The following PLEKHG4B variants were observed in gnomAD, a reference collection of about 807,000 sequenced individuals.
The protein encoded by PLEKHG4B is pleckstrin homology and RhoGEF domain containing G4B.
Under a neutral mutation model 121.3 loss-of-function variants are expected in PLEKHG4B, and 111 were observed. The observed-to-expected ratio is 0.92, with a 90% CI of 0.78 to 1.07. The LOEUF (loss-of-function observed/expected upper bound fraction) is 1.07, where lower values mean the gene tolerates loss of function less well. PLEKHG4B is among the 50% of genes least tolerant of loss of function. The probability of loss-of-function intolerance (pLI) is 0.00; values close to 1 mark genes in which losing one functional copy is unlikely to be tolerated. For missense variants in PLEKHG4B, 1,831 were observed against 1,757.8 expected, an observed-to-expected ratio of 1.04 and a Z score of -0.74; for synonymous variants, 738 against 725.0, an observed-to-expected ratio of 1.02 and a Z score of -0.29.
intron 1 of PLEKHG4B, among the ~76,000 whole-genome samples, chr5:103,662 A>G (rs1484001581): frequency 6.6e-6 from 1 of 152,230 alleles, no homozygotes; most frequent in African/African-American, 2.4e-5. Flanking sequence ...AAGTGCTGTG[A>G]TCAGATCAGG....
chr5:169,673 C>G, intron 14 of PLEKHG4B, 81 bp downstream of exon 14: 1 of 1,557,652 alleles, frequency 6.4e-7, no homozygotes, highest in Non-Finnish European at 8.6e-7. Flanking sequence ...ACAGGGCCCA[C>G]GTGTCAGGCG....
rs773674170 is a variant in PLEKHG4B at position 144,942 on chromosome 5, C to T, written c.1905+22C>T. ...GCAGGTACGGCAAGGTTGTCATATC[C>T]CTTGGGTGTGCAGAGCATCGTAGGG... is the stretch of plus-strand genomic sequence containing the variant. On this transcript the variant is annotated intron_variant, in intron 6 of 19. Coordinates refer to ENST00000637938, the MANE Select transcript of PLEKHG4B (RefSeq NM_052909.5). The T allele has an allele frequency of 4.3e-5, 69 of 1,606,604 alleles. No individual in the cohort carries two copies. In the South Asian group the frequency reaches 7.2e-4, roughly 17 times the overall value.
intron 13 of PLEKHG4B, among the ~76,000 whole-genome samples, chr5:168,758 AAGTT>A (rs1163069607): frequency 6.6e-6 from 1 of 152,144 alleles, no homozygotes; most frequent in Non-Finnish European, 1.5e-5. Flanking sequence ...TTATCTTTTC[AAGTT>A]ACTGTGTATC....
In PLEKHG4B at chr5:98,551, C is replaced by T. The variant is rs369775903; in HGVS notation, c.45+6275C>T. On this transcript the variant is annotated intron_variant, in intron 1 of 19. Transcript: ENST00000637938. ...CCAGGTTCAAGCGATTCTCCTGGCT[C>T]AGCCTCCCAAGTAGCTGGGACTACA... Among the ~76,000 whole-genome samples, 23 of 146,198 alleles carry T rather than the reference C, an allele frequency of 1.6e-4. No homozygotes were observed. The East Asian group carries it at 4.8e-3, about 31-fold the overall frequency.
intron 1 of PLEKHG4B, among the ~76,000 whole-genome samples, chr5:101,695 A>T (rs372026979): frequency 5.4e-3 from 511 of 94,772 alleles, no homozygotes; most frequent in Non-Finnish European, 6.6e-3. Flanking sequence ...GTTGTGAGGT[A>T]AATCCATATA....
Position 157,246 on chromosome 5 carries a change from A to T in PLEKHG4B, c.2487+335A>T. The T allele has an allele frequency of 2.9e-6, 1 of 350,478 alleles. No homozygotes were observed. The highest frequency in any genetic ancestry group is 5.5e-6 in the Non-Finnish European group (1 of 181,122). 21.7% of individuals were successfully genotyped at this position (350,478 alleles called of 1,614,324 possible). On this transcript the variant is annotated intron_variant, in intron 11 of 19. Transcript: ENST00000637938. The surrounding 1 kb of genome is among the most constrained non-coding windows in gnomAD (Gnocchi z 4.6). ...GCTTTCTCCATGTGCATGCGTACAC[A>T]GTGACTGAGAAGCCGAGGTGAAACC...
chr5:135,682 A>AAATAT (rs1553985215), intron 2 of PLEKHG4B, among the ~76,000 whole-genome samples: 18 of 19,594 alleles, frequency 9.2e-4, no homozygotes, highest in East Asian at 1.9e-3. Flanking sequence ...AAAAAAAAAA[A>AAATAT]ATATATATAT....
At position 178,802 on chromosome 5, in the gene PLEKHG4B, C is replaced by T. The variant is rs139869142; in HGVS notation, c.4403-2712C>T. Among the ~76,000 whole-genome samples, 79 of 152,296 alleles carry T rather than the reference C, an allele frequency of 5.2e-4. No individual in the cohort carries two copies. In the East Asian group the frequency reaches 6.2e-3, roughly 12 times the overall value. On this transcript the variant is annotated intron_variant, in intron 18 of 19. Coordinates refer to ENST00000637938, the MANE Select transcript of PLEKHG4B (RefSeq NM_052909.5). ...GGGGATGCGGTCCAGGACTCCCCCA[C>T]GGATACCCAAATCTGCAGTTGTTCA...
In PLEKHG4B at chr5:155,462, A is replaced by T. The variant is rs1735744481; in HGVS notation, c.2208+19A>T. ...AGCCCAGGTGAGTCCTCAGACTTGCAGGTAAGTTCATTTCATGTGACAGGT... is the reference window on the plus strand; with the variant it reads ...AGCCCAGGTGAGTCCTCAGACTTGCTGGTAAGTTCATTTCATGTGACAGGT... On this transcript the variant is annotated intron_variant, in intron 9 of 19. Coordinates refer to ENST00000637938, the MANE Select transcript of PLEKHG4B (RefSeq NM_052909.5). 6.3e-7 allele frequency: 1 copy of T among 1,592,798 alleles called. No individual in the cohort carries two copies.
chr5:126,908 T>C (rs915198013), intron 2 of PLEKHG4B, among the ~76,000 whole-genome samples: 1 of 152,148 alleles, frequency 6.6e-6, no homozygotes, highest in Non-Finnish European at 1.5e-5. Flanking sequence ...GAGGAGGTGG[T>C]ATTCCATTTA....
At chr5:143,569 G>A in intron 5 of PLEKHG4B, 66 bp downstream of exon 5, 2 of 1,584,496 alleles carry the variant, frequency 1.3e-6, no homozygotes, top group East Asian at 4.5e-5. Flanking sequence ...GTGTGGCAAA[G>A]TGGGGGGCAC....
chr5:109,685 A>C (rs180858045), intron 1 of PLEKHG4B, among the ~76,000 whole-genome samples: 29 of 152,350 alleles, frequency 1.9e-4, no homozygotes, highest in Admixed American at 1.8e-3. Flanking sequence ...AAAATTTTAA[A>C]GTTAATTGGG....
chr5:155,060 A>G, intron 8 of PLEKHG4B, 69 bp downstream of exon 8: 2 of 1,363,150 alleles, frequency 1.5e-6, no homozygotes, highest in Admixed American at 3.4e-5. Flanking sequence ...GGTTGTTTTT[A>G]CTAGAATTTG....
At chr5:161,625 C>A (rs1736003841) in intron 11 of PLEKHG4B, among the ~76,000 whole-genome samples, 158 bp from the exon 12 acceptor site, 1 of 152,102 alleles carries the variant, frequency 6.6e-6, no homozygotes, top group South Asian at 2.1e-4. Context: ...ATGCCTCGGT[C>A]CTTTGGTGCC....
chr5:149,495 C>G (rs1006929102), intron 6 of PLEKHG4B, among the ~76,000 whole-genome samples: 3 of 152,264 alleles, frequency 2.0e-5, no homozygotes, highest in Middle Eastern at 3.4e-3. Context: ...GAGCCATGGT[C>G]ATGCCACTGC....
intron 14 of PLEKHG4B, among the ~76,000 whole-genome samples, 171 bp downstream of exon 14, chr5:169,763 G>A (rs933276940): frequency 1.3e-5 from 2 of 152,238 alleles, no homozygotes; most frequent in Non-Finnish European, 2.9e-5. Flanking sequence ...TGCCCCACAC[G>A]GATAACCTGT....
chr5:162,492 C>T (rs1184628055), intron 12 of PLEKHG4B, among the ~76,000 whole-genome samples: 1 of 152,256 alleles, frequency 6.6e-6, no homozygotes, highest in East Asian at 1.9e-4. Flanking sequence ...CTAGGACATC[C>T]CCCACGGTGC....
intron 1 of PLEKHG4B, among the ~76,000 whole-genome samples, chr5:103,508 C>T (rs938913283): frequency 3.3e-5 from 5 of 152,150 alleles, no homozygotes; most frequent in Non-Finnish European, 7.3e-5. Context: ...GCCCCACCCT[C>T]GACTCTGGAT....
rs1026637865 is a variant in PLEKHG4B, at chr5:144,710, C to T, written c.1812-117C>T. On this transcript the variant is annotated intron_variant, in intron 5 of 19. Transcript: ENST00000637938. ...TGGAAGGTTGATGTGTATAGAGAAC[C>T]CCTAACTTCTAGAGCTGAAAGGAAA... The T allele has an allele frequency of 3.5e-5, 29 of 823,792 alleles. No individual in the cohort carries two copies. In the Admixed American group the frequency reaches 6.6e-4, roughly 19 times the overall value. 51.0% of individuals were successfully genotyped at this position (823,792 alleles called of 1,614,324 possible). A position where few individuals can be genotyped will look rare whatever the true frequency, so the allele number is the denominator to read the frequency against.
Sources: gnomAD v4.1 joint callset for allele counts (sites outside exome capture counted in the v4.1 genomes callset) on GRCh38, gnomAD v4.1.1 for gene constraint, Gnocchi (gnomAD v3.1) non-coding constraint, MANE v1.5 for transcripts, NCBI Gene and HGNC (gene_info 2026-07-23, HGNC 2026-07-21) for gene names.